The following EPCAM variants were observed in gnomAD, a reference collection of about 807,000 sequenced individuals.
EPCAM encodes adenocarcinoma-associated antigen.
Under a neutral mutation model 40.0 loss-of-function variants are expected in EPCAM, and 39 were observed. The ratio of observed to expected loss-of-function variants is 0.98; its 90% CI spans 0.76 to 1.27. The LOEUF (loss-of-function observed/expected upper bound fraction) is 1.27. Ranked by LOEUF, EPCAM falls within the 50% of genes most tolerant of loss-of-function variation. The pLI, the probability that EPCAM is intolerant of heterozygous loss-of-function variation, is 0.00. For missense variants in EPCAM, 503 were observed against 381.2 expected (o/e 1.32, Z -2.66); for synonymous variants, 168 against 132.3 (o/e 1.27, Z -1.85).
At chr2:47,376,164 T>G (rs969956326) in intron 4 of EPCAM, among the ~76,000 whole-genome samples, 7 of 152,106 alleles carry the variant, frequency 4.6e-5, no homozygotes, top group Admixed American at 3.3e-4. Context: ...TGGCCTTTCT[T>G]TGTCTTCCAT....
chr2:47,369,337 A>G lies in EPCAM; in HGVS notation c.-169A>G. Reference sequence around the variant, plus strand: ...CAGAGCGCTAGTCCTTCGGCGAGCGAGCACCTTCGACGCGGTCCGGGGACC... The same window carrying G: ...CAGAGCGCTAGTCCTTCGGCGAGCGGGCACCTTCGACGCGGTCCGGGGACC... On this transcript the variant is annotated 5_prime_UTR_variant, in exon 1 of 9. Transcript: ENST00000263735. 2.3e-6 allele frequency: 3 copies of G among 1,294,006 alleles called. No homozygotes were observed. The highest frequency in any genetic ancestry group is 3.0e-6 in the Non-Finnish European group (3 of 990,768). 80.2% of individuals were successfully genotyped at this position (1,294,006 alleles called of 1,614,324 possible).
Position 47,369,446 on chromosome 2 carries a change from G to C in EPCAM, c.-60G>C, listed in dbSNP as rs1426962140. On this transcript the variant is annotated 5_prime_UTR_variant, in exon 1 of 9. Coordinates refer to ENST00000263735, the MANE Select transcript of EPCAM (RefSeq NM_002354.3). ...CGGCTCCTCGTGTCCCACTCCCGGCGCACGCCCTCCCGCGAGTCCCGGGCC... is the reference window on the plus strand; with the variant it reads ...CGGCTCCTCGTGTCCCACTCCCGGCCCACGCCCTCCCGCGAGTCCCGGGCC... The C allele has an allele frequency of 5.2e-6, 7 of 1,357,318 alleles. No homozygotes were observed. In the African/African-American group the frequency reaches 6.2e-5, roughly 12 times the overall value. 84.1% of individuals were successfully genotyped at this position (1,357,318 alleles called of 1,614,324 possible). A position where few individuals can be genotyped will look rare whatever the true frequency, so the allele number is the denominator to read the frequency against.
chr2:47,377,420 G>A lies in EPCAM; in HGVS notation c.555+343G>A, dbSNP rs539202552. On this transcript the variant is annotated intron_variant, in intron 5 of 8. Transcript: ENST00000263735. The stretch of plus-strand genomic sequence containing the variant: ...CCCAGCTAATTTTTGTATTTTTAGT[G>A]TCGGCGGGGTTTTGCTATGTTGGCC... Among the ~76,000 whole-genome samples the A allele has an allele frequency of 3.1e-4, 47 of 151,884 alleles. No individual in the cohort carries two copies. In the East Asian group the frequency reaches 5.9e-3, roughly 19 times the overall value.
intron 3 of EPCAM, among the ~76,000 whole-genome samples, chr2:47,374,592 C>A (rs1012013013): frequency 6.6e-6 from 1 of 151,950 alleles, no homozygotes; most frequent in Non-Finnish European, 1.5e-5. Flanking sequence ...TCTGGAGCCT[C>A]GTTGTCAGTT....
intron 3 of EPCAM, 110 bp from the exon 4 acceptor site, chr2:47,375,124 A>G (rs1465144984): frequency 1.4e-5 from 11 of 763,264 alleles, no homozygotes; most frequent in Non-Finnish European, 1.4e-5. Flanking sequence ...TACTGCATAA[A>G]TTTTTTTTCT....
rs111488650 is a variant in EPCAM, at chr2:47,386,707, T to C, written c.*94T>C. On this transcript the variant is annotated 3_prime_UTR_variant, in exon 9 of 9. Coordinates refer to ENST00000263735, the MANE Select transcript of EPCAM (RefSeq NM_002354.3). ...GGGACGAAGACATCTTTGAAGGTCA[T>C]GAGTTTGTTAGTTTAACATCATATA... 1.0e-6 allele frequency: 1 copy of C among 990,032 alleles called. No homozygotes were observed. Among genetic ancestry groups the C allele is most frequent in the Non-Finnish European group, 1.6e-6 (1 of 620,500 alleles). 61.3% of individuals were successfully genotyped at this position (990,032 alleles called of 1,614,324 possible). A position where few individuals can be genotyped will look rare whatever the true frequency, so the allele number is the denominator to read the frequency against.
chr2:47,374,010 G>GGACACT lies in EPCAM; in HGVS notation c.390_395dup (p.Asp130_Thr131dup). ...CTGCTGGGGTCAGAAGAACAGACAA[G>GGACACT]GACACTGAAATAACCTGCTCTGAGC... On this transcript the variant is annotated inframe_insertion, in exon 3 of 9. Coordinates refer to ENST00000263735, the MANE Select transcript of EPCAM (RefSeq NM_002354.3). 14 of 1,614,168 alleles carry GGACACT rather than the reference G, an allele frequency of 8.7e-6. No individual in the cohort carries two copies. The highest frequency in any genetic ancestry group is 1.2e-5 in the Non-Finnish European group (14 of 1,180,038).
At chr2:47,378,088 G>C (rs561308512) in intron 5 of EPCAM, among the ~76,000 whole-genome samples, 6 of 152,000 alleles carry the variant, frequency 3.9e-5, no homozygotes, top group African/African-American at 1.4e-4. Flanking sequence ...CAAAATAGCC[G>C]AATGTGGTGG....
intron 7 of EPCAM, among the ~76,000 whole-genome samples, chr2:47,381,726 T>C (rs1027647853): frequency 6.6e-6 from 1 of 152,218 alleles, no homozygotes; most frequent in African/African-American, 2.4e-5. Flanking sequence ...GGAAATTATG[T>C]AAGGCAAGAA....
intron 4 of EPCAM, 57 bp downstream of exon 4, chr2:47,375,356 C>G (rs750909734): frequency 1.8e-6 from 2 of 1,104,352 alleles, no homozygotes; most frequent in South Asian, 1.2e-5. Context: ...AATCTTCCAT[C>G]CTACACCATT....
intron 6 of EPCAM, among the ~76,000 whole-genome samples, 200 bp from the exon 7 acceptor site, chr2:47,379,569 C>G (rs1162413555): frequency 3.3e-5 from 5 of 152,148 alleles, no homozygotes; most frequent in African/African-American, 1.2e-4. Flanking sequence ...CATCATTGCA[C>G]TACTCTTTCT....
chr2:47,375,693 C>T (rs1475867107), intron 4 of EPCAM, among the ~76,000 whole-genome samples: 2 of 148,278 alleles, frequency 1.3e-5, no homozygotes, highest in African/African-American at 5.0e-5. Flanking sequence ...ATACAACGAT[C>T]AAATTTAGGA....
At chr2:47,383,952 C>T (rs1298181259) in intron 7 of EPCAM, among the ~76,000 whole-genome samples, 3 of 151,550 alleles carry the variant, frequency 2.0e-5, no homozygotes, top group East Asian at 1.9e-4. Context: ...TGTTAAATTT[C>T]TTTAAAGATT....
intron 6 of EPCAM, among the ~76,000 whole-genome samples, chr2:47,379,325 C>T (rs746344073): frequency 6.6e-6 from 1 of 152,080 alleles, no homozygotes; most frequent in Admixed American, 6.6e-5. Flanking sequence ...TGCATATATG[C>T]TCCCCTATGA....
intron 7 of EPCAM, among the ~76,000 whole-genome samples, chr2:47,380,413 A>T (rs1298954933): frequency 2.0e-5 from 3 of 152,236 alleles, no homozygotes; most frequent in Non-Finnish European, 2.9e-5. Context: ...TTTATGGTGA[A>T]TGAATCTATT....
At chr2:47,369,873 T>G in intron 1 of EPCAM, 1 of 522,198 alleles carries the variant, frequency 1.9e-6, no homozygotes, top group South Asian at 1.8e-5. Context: ...ACGTCCAGGT[T>G]TCCTGCGGCC....
rs147494515 is a variant in EPCAM, at chr2:47,373,565, C to G, written c.179C>G (p.Ser60Ter). The G allele has an allele frequency of 1.2e-6, 2 of 1,606,902 alleles. No homozygotes were observed. The highest frequency in any genetic ancestry group is 1.7e-6 in the Non-Finnish European group (2 of 1,173,708). ...GGTGCACAAAATACTGTCATTTGCTCAAAGCGTGAGTAAAATATCCTAATT... is the reference window on the plus strand; with the variant it reads ...GGTGCACAAAATACTGTCATTTGCTGAAAGCGTGAGTAAAATATCCTAATT... ...SVGAQNTVIC[S>*]KLAAKCLVMK... is the part of the protein sequence containing the mutation. The change falls in exon 2 of 9, where the codon TCA becomes TGA. Residue 60 changes from serine to a stop codon, truncating the protein, a stop_gained. Coordinates refer to ENST00000263735, the MANE Select transcript of EPCAM (RefSeq NM_002354.3). LOFTEE classifies it high-confidence loss of function.
rs1301814215 is a variant in EPCAM at position 47,373,229 on chromosome 2, A to AC, written c.77-234_77-233insC. Among the ~76,000 whole-genome samples the AC allele has an allele frequency of 2.5e-3, 382 of 150,524 alleles. 2 individuals carry two copies. Among genetic ancestry groups the AC allele is most frequent in the African/African-American group, 8.8e-3 (361 of 40,858 alleles). On this transcript the variant is annotated intron_variant, in intron 1 of 8. Transcript: ENST00000263735. ...TTAAAAAAAAAAAAAAAAAAAAAAAAAAAAAACAGGAATGCATGCAGATTA... is the reference window on the plus strand; with the variant it reads ...TTAAAAAAAAAAAAAAAAAAAAAAAACAAAAAACAGGAATGCATGCAGATTA...
Position 47,378,933 on chromosome 2 carries a change from T to C in EPCAM, c.556-20T>C. 1 of 989,488 alleles carries C rather than the reference T, an allele frequency of 1.0e-6. No individual in the cohort carries two copies. The highest frequency in any genetic ancestry group is 1.6e-6 in the Non-Finnish European group (1 of 611,826). 61.3% of individuals were successfully genotyped at this position (989,488 alleles called of 1,614,324 possible). On this transcript the variant is annotated intron_variant, in intron 5 of 8. Transcript: ENST00000263735. ...TGATTATATTAGTATTAATTTGTAT[T>C]ATTCAATTTTTTTCCCCAGTATGAG...
Sources: gnomAD v4.1 joint callset for allele counts (sites outside exome capture counted in the v4.1 genomes callset) on GRCh38, gnomAD v4.1.1 for gene constraint, MANE v1.5 for transcripts, NCBI Gene and HGNC (gene_info 2026-07-23, HGNC 2026-07-21) for gene names.